The following MBOAT1 variants were observed in gnomAD, a reference collection of about 807,000 sequenced individuals.
MBOAT1 encodes the protein membrane bound glycerophospholipid O-acyltransferase 1, also known as membrane-bound glycerophospholipid O-acyltransferase 1.
Under a neutral mutation model 64.4 loss-of-function variants are expected in MBOAT1, and 67 were observed. That is an observed-to-expected ratio of 1.04 (90% confidence interval 0.85 to 1.27). The LOEUF is 1.27. Among genes scored for constraint, MBOAT1 ranks in the 50% most tolerant of loss-of-function variants. MBOAT1 has a pLI of 0.00. For missense variants in MBOAT1, 563 were observed against 604.6 expected (o/e 0.93, Z 0.72); for synonymous variants, 229 against 218.9 (o/e 1.05, Z -0.41).
intron 4 of MBOAT1, among the ~76,000 whole-genome samples, chr6:20,135,606 A>G (rs1027334907): frequency 6.6e-6 from 1 of 152,224 alleles, no homozygotes; most frequent in Non-Finnish European, 1.5e-5. Context: ...TGGGACAATG[A>G]GATAACCCAG....
rs565278294 is a variant in MBOAT1, at chr6:20,201,831, C to T, written c.99+10305G>A. 2.3e-4 allele frequency among the ~76,000 whole-genome samples: 35 copies of T among 152,116 alleles called. 1 individual carries two copies. The highest frequency in any genetic ancestry group is 8.0e-4 in the African/African-American group (33 of 41,476). ...TCCTGACCTCAAGTGATCCACCCAC[C>T]GTGGCCTCTCCAAGTGCTAGGATTA... On this transcript the variant is annotated intron_variant, in intron 1 of 12. Coordinates refer to ENST00000324607, the MANE Select transcript of MBOAT1 (RefSeq NM_001080480.3).
chr6:20,190,789 A>G (rs1012463505), intron 1 of MBOAT1, among the ~76,000 whole-genome samples: 1 of 152,204 alleles, frequency 6.6e-6, no homozygotes, highest in South Asian at 2.1e-4. Flanking sequence ...GCAGATAGGT[A>G]GGGATATCAG....
At chr6:20,147,955 G>C (rs1581423159) in intron 3 of MBOAT1, among the ~76,000 whole-genome samples, 1 of 152,338 alleles carries the variant, frequency 6.6e-6, no homozygotes, top group East Asian at 1.9e-4. Flanking sequence ...GCATCACCAA[G>C]TTCTCACGCT....
At chr6:20,181,498 A>G (rs915240400) in intron 1 of MBOAT1, among the ~76,000 whole-genome samples, 2 of 152,006 alleles carry the variant, frequency 1.3e-5, no homozygotes, top group African/African-American at 2.4e-5. Context: ...TCCAATATGG[A>G]TGGAAAGTAG....
At chr6:20,201,924 C>T (rs1028178115) in intron 1 of MBOAT1, among the ~76,000 whole-genome samples, 1 of 150,632 alleles carries the variant, frequency 6.6e-6, no homozygotes, top group Non-Finnish European at 1.5e-5. Flanking sequence ...AAAATAAAAG[C>T]TTTAAAAAAA....
chr6:20,133,111 T>C (rs1375246264), intron 4 of MBOAT1, among the ~76,000 whole-genome samples: 1 of 152,248 alleles, frequency 6.6e-6, no homozygotes, highest in Non-Finnish European at 1.5e-5. Context: ...ATTTGCAATA[T>C]CTTTCTATCT....
Position 20,111,501 on chromosome 6 carries a change from G to A in MBOAT1, c.1209+1375C>T, listed in dbSNP as rs117863129. ...TCTATCCGCTACCTAATTCGTTTGC[G>A]AATAGTGTTTCCAGGCCATCCAAAA... On this transcript the variant is annotated intron_variant, in intron 11 of 12. Coordinates refer to ENST00000324607, the MANE Select transcript of MBOAT1 (RefSeq NM_001080480.3). Among the ~76,000 whole-genome samples the A allele has an allele frequency of 7.4e-4, 113 of 152,120 alleles. 2 individuals carry two copies. In the East Asian group the frequency reaches 0.011, roughly 15 times the overall value.
intron 1 of MBOAT1, among the ~76,000 whole-genome samples, chr6:20,167,200 T>C (rs558960337): frequency 6.0e-4 from 91 of 152,356 alleles, no homozygotes; most frequent in African/African-American, 2.1e-3. Flanking sequence ...CAAGTTATTT[T>C]CAGTTTTTTT....
chr6:20,200,693 C>T (rs536291176), intron 1 of MBOAT1, among the ~76,000 whole-genome samples: 64 of 152,214 alleles, frequency 4.2e-4, no homozygotes, highest in Admixed American at 1.6e-3. Flanking sequence ...TCCGGAGTGT[C>T]CATATTCCTG....
chr6:20,153,719 G>A (rs1244126301), intron 1 of MBOAT1, among the ~76,000 whole-genome samples: 1 of 152,168 alleles, frequency 6.6e-6, no homozygotes, highest in East Asian at 1.9e-4. Flanking sequence ...TGCCAAGCCT[G>A]TCCAGTTATG....
At chr6:20,120,218 G>A (rs944493397) in intron 8 of MBOAT1, among the ~76,000 whole-genome samples, 24 of 152,002 alleles carry the variant, frequency 1.6e-4, no homozygotes, top group Admixed American at 1.4e-3. Flanking sequence ...CTAAAAACCT[G>A]CTCCCTTGAG....
chr6:20,181,211 T>A (rs1012495296), intron 1 of MBOAT1, among the ~76,000 whole-genome samples: 5 of 151,988 alleles, frequency 3.3e-5, no homozygotes, highest in African/African-American at 1.2e-4. Flanking sequence ...GACTCCCCGC[T>A]CCCCAGGTTC....
intron 1 of MBOAT1, among the ~76,000 whole-genome samples, chr6:20,201,613 T>C (rs55948432): frequency 0.2 from 30,757 of 150,624 alleles, 3,483 homozygotes; most frequent in African/African-American, 0.29. Flanking sequence ...TGGAGTCTCA[T>C]ACTGTCGTCC....
chr6:20,114,875 C>G (rs1439128822), intron 10 of MBOAT1, among the ~76,000 whole-genome samples: 1 of 143,974 alleles, frequency 6.9e-6, no homozygotes. Flanking sequence ...CATAGCGAAA[C>G]TCCTTCTCAA....
chr6:20,117,753 G>A (rs948907978), intron 9 of MBOAT1, among the ~76,000 whole-genome samples: 5 of 152,224 alleles, frequency 3.3e-5, no homozygotes, highest in African/African-American at 7.2e-5. Flanking sequence ...GGAATGCAAC[G>A]CTTCTGCATG....
chr6:20,109,901 A>ATTTTTTTTTTTTTTTTTTTTTTT (rs756853889), intron 11 of MBOAT1, 152 bp from the exon 12 acceptor site: 12 of 296,680 alleles, frequency 4.0e-5, no homozygotes, highest in African/African-American at 5.3e-5. Context: ...TACCATCAGG[A>ATTTTTTTTTTTTTTTTTTTTTTT]CTTTTTTTTT....
chr6:20,195,071 G>C (rs1191532910), intron 1 of MBOAT1, among the ~76,000 whole-genome samples: 2 of 151,854 alleles, frequency 1.3e-5, no homozygotes, highest in African/African-American at 4.8e-5. Flanking sequence ...TCCCACCATG[G>C]CCTCCTGAAT....
chr6:20,117,693 T>C (rs914176038), intron 9 of MBOAT1, among the ~76,000 whole-genome samples: 1 of 152,206 alleles, frequency 6.6e-6, no homozygotes, highest in East Asian at 1.9e-4. Flanking sequence ...CTGTCTGCCC[T>C]GTGGCAGGTG....
intron 1 of MBOAT1, among the ~76,000 whole-genome samples, chr6:20,209,565 G>C (rs1048918091): frequency 6.6e-6 from 1 of 152,186 alleles, no homozygotes; most frequent in African/African-American, 2.4e-5. Flanking sequence ...ACATTCACAG[G>C]AGTGCAATTA....
Sources: gnomAD v4.1 joint callset for allele counts (sites outside exome capture counted in the v4.1 genomes callset) on GRCh38, gnomAD v4.1.1 for gene constraint, MANE v1.5 for transcripts, NCBI Gene and HGNC (gene_info 2026-07-23, HGNC 2026-07-21) for gene names.